Variants in CLSPN observed in about 807,000 individuals in gnomAD.
CLSPN encodes the protein claspin homolog.
In CLSPN, 85 loss-of-function variants were observed where a neutral mutation model predicts 156.3. That is an observed-to-expected ratio of 0.54 (90% CI 0.46 to 0.65). The LOEUF is 0.65. Ranked by LOEUF, CLSPN falls within the 30% of genes least tolerant of loss-of-function variation. The pLI is 0.00. For missense variants in CLSPN, 1,407 were observed against 1,554.9 expected (o/e 0.90, Z 1.60); for synonymous variants, 534 against 542.4 (o/e 0.98, Z 0.22).
At chr1:35,755,843 G>C (rs1642256564) in intron 8 of CLSPN, among the ~76,000 whole-genome samples, 1 of 152,114 alleles carries the variant, frequency 6.6e-6, no homozygotes, top group South Asian at 2.1e-4. Context: ...CAAGTAGCTA[G>C]GACTACAGGT....
At chr1:35,749,834 A>G (rs779003392) in intron 10 of CLSPN, 23 bp from the exon 11 acceptor site, 3 of 1,602,664 alleles carry the variant, frequency 1.9e-6, no homozygotes, top group Non-Finnish European at 2.6e-6. Flanking sequence ...GGCCACCACA[A>G]AACAAAAAAT....
chr1:35,744,594 C>A (rs946976463), intron 16 of CLSPN, among the ~76,000 whole-genome samples: 4 of 152,178 alleles, frequency 2.6e-5, no homozygotes, highest in African/African-American at 9.7e-5. Context: ...CCATGCCCAG[C>A]CAGAATTTCC....
downstream of CLSPN, among the ~76,000 whole-genome samples, chr1:35,728,924 ACAC>A (rs1641253267): frequency 2.1e-4 from 1 of 4,674 alleles, no homozygotes; most frequent in Non-Finnish European, 1.7e-3. Context: ...CCCCTCAAAC[ACAC>A]ACACACACAC....
intron 16 of CLSPN, among the ~76,000 whole-genome samples, chr1:35,744,451 G>A (rs371955452): frequency 4.7e-4 from 71 of 152,142 alleles, no homozygotes; most frequent in South Asian, 1.5e-3. Context: ...GCCGGCACAC[G>A]CCTAGCTAAT....
At chr1:35,730,637 TA>T (rs1314378682), downstream of CLSPN, among the ~76,000 whole-genome samples, 1 of 130,938 alleles carries the variant, frequency 7.6e-6, no homozygotes, top group Non-Finnish European at 1.6e-5. Context: ...AAAGGAGTGG[TA>T]ATGGTCAGAG....
At chr1:35,747,108 G>A (rs1343268428) in intron 14 of CLSPN, 116 bp from the exon 15 acceptor site, 8 of 699,206 alleles carry the variant, frequency 1.1e-5, no homozygotes, top group African/African-American at 1.1e-4. Context: ...GGATCACGAG[G>A]TCAGGAGATC....
At chr1:35,720,992 T>C in intron 24 of CLSPN, 2 of 1,583,914 alleles carry the variant, frequency 1.3e-6, no homozygotes, top group Non-Finnish European at 1.7e-6. Context: ...TGAAACGAAA[T>C]TAAAGGAAGA....
chr1:35,756,587 C>G (rs530776699), intron 8 of CLSPN, among the ~76,000 whole-genome samples: 2 of 152,312 alleles, frequency 1.3e-5, no homozygotes, highest in South Asian at 4.1e-4. Flanking sequence ...AGTGAAAAGT[C>G]TCTTTCCTAG....
chr1:35,755,416 G>A (rs764652825), intron 8 of CLSPN, among the ~76,000 whole-genome samples: 3 of 151,932 alleles, frequency 2.0e-5, no homozygotes, highest in East Asian at 1.9e-4. Flanking sequence ...ACAGGCATGC[G>A]TCACCACACC....
In CLSPN at chr1:35,723,611, A is replaced by T. The variant is rs1004631889; in HGVS notation, c.3910-2631T>A. ...ATTTACATGTATCATACAGTTACAG[A>T]GTGCTTACTTTGTGCCAGGTACTGT... On this transcript the variant is annotated intron_variant, in intron 24 of 24. Transcript: ENST00000251195. 3.3e-5 allele frequency among the ~76,000 whole-genome samples: 5 copies of T among 152,224 alleles called. 1 individual carries two copies. Among genetic ancestry groups the T allele is most frequent in the Admixed American group, 3.3e-4 (5 of 15,276 alleles).
In CLSPN at chr1:35,736,900, C is replaced by T. The variant is rs758312911; in HGVS notation, c.3909+14G>A. The T allele has an allele frequency of 6.2e-7, 1 of 1,609,162 alleles. No individual in the cohort carries two copies. Among genetic ancestry groups the T allele is most frequent in the Non-Finnish European group, 8.5e-7 (1 of 1,178,072 alleles). On this transcript the variant is annotated intron_variant, in intron 24 of 24. Transcript: ENST00000318121. Reference sequence around the variant, plus strand: ...GGTTTGGGAAGCCACCATATTAGTTCTCAAATTCCATACCTGAGACTTAGA... The same window carrying T: ...GGTTTGGGAAGCCACCATATTAGTTTTCAAATTCCATACCTGAGACTTAGA...
intron 8 of CLSPN, among the ~76,000 whole-genome samples, chr1:35,759,534 C>T (rs763888777): frequency 6.6e-6 from 1 of 152,050 alleles, no homozygotes; most frequent in Non-Finnish European, 1.5e-5. Context: ...CTTAAGTATA[C>T]CTTAAATGTC....
intron 24 of CLSPN, among the ~76,000 whole-genome samples, chr1:35,725,277 T>C (rs1641150721): frequency 2.0e-5 from 3 of 152,112 alleles, no homozygotes; most frequent in African/African-American, 7.2e-5. Context: ...AACAGGTCTT[T>C]TCGGAGCTGC....
chr1:35,725,969 G>A (rs943227701), intron 24 of CLSPN, among the ~76,000 whole-genome samples: 3 of 152,018 alleles, frequency 2.0e-5, no homozygotes, highest in African/African-American at 7.2e-5. Flanking sequence ...CACTTGTAAT[G>A]TTTTGCCTCA....
intron 3 of CLSPN, among the ~76,000 whole-genome samples, 156 bp from the exon 4 acceptor site, chr1:35,763,477 C>A (rs1277048960): frequency 6.6e-6 from 1 of 152,226 alleles, no homozygotes; most frequent in African/African-American, 2.4e-5. Context: ...TTCTAACTCA[C>A]ATGTATCCTT....
In CLSPN at chr1:35,764,361, C is replaced by T. The variant is rs1218872847; in HGVS notation, c.487G>A (p.Gly163Arg). ...KHIHDKEGTAGKAKVKSKRRL... is the reference protein window; with the variant it reads ...KHIHDKEGTARKAKVKSKRRL... ...CTTTTTGATTTTACTTTTGCTTTTC[C>T]TGCAGTTCCTTCTTTATCATGTATG... is the stretch of plus-strand genomic sequence containing the variant. Residue 163 changes from glycine to arginine, a missense_variant, in exon 3 of 25, where the codon GGA becomes AGA. Around this residue, in one of 3 missense-constraint regions of CLSPN, gnomAD observed 1,096 missense variants for 1,193.0 expected, o/e 0.92. Coordinates refer to ENST00000318121, the MANE Select transcript of CLSPN (RefSeq NM_022111.4). 3 of 1,608,682 alleles carry T rather than the reference C, an allele frequency of 1.9e-6. No individual in the cohort carries two copies. In the South Asian group the frequency reaches 3.4e-5, roughly 18 times the overall value.
At chr1:35,736,654 GTATT>G (rs1557499287) in intron 24 of CLSPN, 48 bp from the exon 25 acceptor site, 2 of 1,553,286 alleles carry the variant, frequency 1.3e-6, no homozygotes, top group Admixed American at 4.3e-5. Context: ...CTTCATACAA[GTATT>G]TACCTTCAAT....
chr1:35,762,092 G>T, intron 5 of CLSPN, 22 bp from the exon 6 acceptor site: 2 of 1,509,086 alleles, frequency 1.3e-6, no homozygotes, highest in Non-Finnish European at 1.8e-6. Context: ...CAAGAAGTGA[G>T]ACTACATTAA....
intron 24 of CLSPN, among the ~76,000 whole-genome samples, chr1:35,726,074 T>A (rs1318438890): frequency 7.4e-6 from 1 of 134,364 alleles, no homozygotes; most frequent in Non-Finnish European, 1.6e-5. Context: ...TTTGAGTTGG[T>A]TGCACCCAAA....
Sources: gnomAD v4.1 joint callset for allele counts (sites outside exome capture counted in the v4.1 genomes callset) on GRCh38, gnomAD v4.1.1 for gene constraint, gnomAD v4.1.1 regional missense constraint, MANE v1.5 for transcripts, NCBI Gene and HGNC (gene_info 2026-07-23, HGNC 2026-07-21) for gene names.